Variants in GRIN2A observed in about 807,000 individuals in gnomAD.
GRIN2A encodes the protein glutamate receptor ionotropic, NMDA 2A.
In GRIN2A, 22 loss-of-function variants were observed where a neutral mutation model predicts 113.4. The observed-to-expected ratio is 0.19, with a 90% CI of 0.14 to 0.28. The LOEUF (loss-of-function observed/expected upper bound fraction) is 0.28. GRIN2A is among the 10% of genes least tolerant of loss of function. GRIN2A has a pLI of 1.00. For synonymous variants in GRIN2A, 827 were observed against 738.4 expected (o/e 1.12, Z -1.94); for missense variants, 1,502 against 1,887.0 (o/e 0.80, Z 3.78).
intron 2 of GRIN2A, among the ~76,000 whole-genome samples, chr16:10,154,103 A>G (rs531351583): frequency 2.0e-5 from 3 of 152,188 alleles, no homozygotes; most frequent in Admixed American, 1.3e-4. Context: ...CCCTTGAATC[A>G]GTTGTGGCAA....
intron 4 of GRIN2A, among the ~76,000 whole-genome samples, chr16:9,852,386 A>T (rs1280157950): frequency 3.9e-5 from 6 of 152,228 alleles, no homozygotes; most frequent in African/African-American, 1.2e-4. Context: ...AGACTAGCAG[A>T]ATCTTTGGTG....
At chr16:10,026,578 A>G (rs199902663) in intron 2 of GRIN2A, among the ~76,000 whole-genome samples, 6,951 of 151,900 alleles carry the variant, frequency 0.046, 275 homozygotes, top group African/African-American at 0.1. Context: ...GTTCATCTCT[A>G]ACTCTCCCTT....
At chr16:10,081,042 C>T (rs145618371) in intron 2 of GRIN2A, among the ~76,000 whole-genome samples, 11 of 152,250 alleles carry the variant, frequency 7.2e-5, no homozygotes, top group African/African-American at 2.6e-4. Context: ...GGTCTTTTTG[C>T]CTTTTGTGTT....
At position 10,159,418 on chromosome 16, in the gene GRIN2A, C is replaced by G. The variant is rs141230718; in HGVS notation, c.414+20580G>C. The stretch of plus-strand genomic sequence containing the variant: ...CCAGGGCAAGAGGTTGAGGCTACAA[C>G]TGTAGATTGTGGAGGCATCTGCAAA... On this transcript the variant is annotated intron_variant, in intron 2 of 12. Coordinates refer to ENST00000330684, the MANE Select transcript of GRIN2A (RefSeq NM_001134407.3). 2.2e-3 allele frequency among the ~76,000 whole-genome samples: 337 copies of G among 152,300 alleles called. 1 individual carries two copies. The highest frequency in any genetic ancestry group is 7.7e-3 in the African/African-American group (319 of 41,570).
At chr16:9,859,609 T>TACACACACAC (rs55697606) in intron 4 of GRIN2A, among the ~76,000 whole-genome samples, 5 of 141,244 alleles carry the variant, frequency 3.5e-5, no homozygotes, top group African/African-American at 7.8e-5. Context: ...CTCGAACCTC[T>TACACACACAC]ACACACACAC....
intron 4 of GRIN2A, among the ~76,000 whole-genome samples, chr16:9,883,362 C>A (rs541079365): frequency 1.8e-4 from 28 of 152,356 alleles, no homozygotes; most frequent in African/African-American, 6.0e-4. Flanking sequence ...ACCTTCCCCT[C>A]TTGGGGATTC....
intron 2 of GRIN2A, among the ~76,000 whole-genome samples, chr16:10,008,463 G>A (rs1478536073): frequency 1.8e-4 from 28 of 152,192 alleles, no homozygotes; most frequent in Admixed American, 1.7e-3. Flanking sequence ...TAGAGCATAA[G>A]AAGTGGGTGG....
chr16:10,137,890 T>A (rs1011237855), intron 2 of GRIN2A, among the ~76,000 whole-genome samples: 3 of 152,166 alleles, frequency 2.0e-5, no homozygotes, highest in Non-Finnish European at 4.4e-5. Context: ...TGTCATAAAC[T>A]CCTAGATACT....
At chr16:9,841,237 A>G (rs2042672516) in intron 5 of GRIN2A, 133 bp from the exon 6 acceptor site, 8 of 761,174 alleles carry the variant, frequency 1.1e-5, no homozygotes, top group Admixed American at 5.9e-5. Flanking sequence ...TCCCAAGGAC[A>G]CACTGTGAGT....
chr16:9,862,650 A>G (rs569926793), intron 4 of GRIN2A, among the ~76,000 whole-genome samples: 2 of 152,240 alleles, frequency 1.3e-5, no homozygotes, highest in East Asian at 3.9e-4. Context: ...TAGGAGTCCT[A>G]TTTCTTTGGA....
At chr16:10,000,693 T>C (rs1012859893) in intron 2 of GRIN2A, among the ~76,000 whole-genome samples, 1 of 152,208 alleles carries the variant, frequency 6.6e-6, no homozygotes, top group Non-Finnish European at 1.5e-5. Context: ...TTCTTCCCTA[T>C]CCATCATGCT....
chr16:9,781,254 G>A (rs1030895317), intron 11 of GRIN2A, among the ~76,000 whole-genome samples: 1 of 152,172 alleles, frequency 6.6e-6, no homozygotes, highest in Non-Finnish European at 1.5e-5. Context: ...AAAAGAGATA[G>A]CATGTTGCAC....
chr16:9,961,248 C>T (rs932915122), intron 2 of GRIN2A, among the ~76,000 whole-genome samples: 1 of 152,068 alleles, frequency 6.6e-6, no homozygotes, highest in East Asian at 1.9e-4. Flanking sequence ...CTCTGGTTAC[C>T]ACTCTGATGG....
At chr16:9,944,607 G>A (rs113057733) in intron 2 of GRIN2A, among the ~76,000 whole-genome samples, 75 of 152,258 alleles carry the variant, frequency 4.9e-4, no homozygotes, top group African/African-American at 1.6e-3. Context: ...AATCTGGATC[G>A]TATGTGGTTG....
intron 2 of GRIN2A, chr16:10,112,892 G>A (rs559200451): frequency 1.7e-5 from 8 of 473,290 alleles, no homozygotes; most frequent in Non-Finnish European, 2.8e-5. Flanking sequence ...GAGGATAGCA[G>A]TGGAGGATGA....
At chr16:10,106,797 C>A (rs1056547739) in intron 2 of GRIN2A, among the ~76,000 whole-genome samples, 1 of 152,010 alleles carries the variant, frequency 6.6e-6, no homozygotes, top group African/African-American at 2.4e-5. Context: ...AGAAAGGCAA[C>A]AGGTAGAGCA....
chr16:9,883,007 C>T (rs945951043), intron 4 of GRIN2A, among the ~76,000 whole-genome samples: 5 of 152,092 alleles, frequency 3.3e-5, no homozygotes, highest in Non-Finnish European at 2.9e-5. Context: ...ACACAGCCTT[C>T]GGGGGCAGGC....
At chr16:10,161,963 A>T (rs1438690296) in intron 2 of GRIN2A, among the ~76,000 whole-genome samples, 1 of 152,142 alleles carries the variant, frequency 6.6e-6, no homozygotes. Context: ...CAGTCTCTCC[A>T]TTTCAAGATC....
intron 8 of GRIN2A, among the ~76,000 whole-genome samples, chr16:9,833,509 T>A (rs2042533256): frequency 6.6e-6 from 1 of 152,206 alleles, no homozygotes; most frequent in Admixed American, 6.5e-5. Context: ...TTAAATTAAT[T>A]GTCAGAAAAG....
Sources: allele counts gnomAD v4.1 joint callset (sites outside exome capture counted in the v4.1 genomes callset), GRCh38; gene constraint gnomAD v4.1.1; transcripts MANE v1.5; gene names NCBI Gene and HGNC (gene_info 2026-07-23, HGNC 2026-07-21).